FCRL2: variants seen among roughly 807,000 people sequenced by gnomAD.
FCRL2 encodes the protein Fc receptor like 2, also known as Fc receptor-like protein 2.
Under a neutral mutation model 59.8 loss-of-function variants are expected in FCRL2, and 48 were observed. The ratio of observed to expected loss-of-function variants is 0.80; its 90% CI spans 0.64 to 1.02. FCRL2 has a LOEUF of 1.02. FCRL2 is among the 50% of genes least tolerant of loss of function. The pLI is 0.00. For missense variants in FCRL2, 658 were observed against 597.3 expected, an observed-to-expected ratio of 1.10 and a Z score of -1.06; for synonymous variants, 251 against 229.5, an observed-to-expected ratio of 1.09 and a Z score of -0.85.
In FCRL2 at chr1:157,747,187, G is replaced by A. The variant is rs376387831; in HGVS notation, c.1460-288C>T. On this transcript the variant is annotated intron_variant, in intron 10 of 11. Coordinates refer to ENST00000361516, the MANE Select transcript of FCRL2 (RefSeq NM_030764.4). ...TTTTCCTCTTGACTTCTCTGTTGCA[G>A]CATTCTGTCAGGGCTGTTTCCTGTT... Among the ~76,000 whole-genome samples, 161 of 152,290 alleles carry A rather than the reference G, an allele frequency of 1.1e-3. 1 individual carries two copies. The South Asian group carries it at 0.016, about 15-fold the overall frequency.
chr1:157,756,044 G>A (rs541321235), intron 7 of FCRL2, among the ~76,000 whole-genome samples: 177 of 152,286 alleles, frequency 1.2e-3, no homozygotes, highest in African/African-American at 4.1e-3. Context: ...CACTCTGAAA[G>A]GGACTATGTT....
chr1:157,767,316 A>G lies in FCRL2; in HGVS notation c.1077T>C (p.Thr359=), dbSNP rs1448484213. The G allele has an allele frequency of 6.2e-6, 10 of 1,614,126 alleles. No individual in the cohort carries two copies. The highest frequency in any genetic ancestry group is 2.7e-5 in the African/African-American group (2 of 74,950). ...AGGAGTAGTTTCCAGAATGTTCTGC[A>G]GTCAAAGAGAGGTTGAAGGAGGCCC... is the stretch of plus-strand genomic sequence containing the variant. The part of the protein sequence containing the change: ...GGGASFNLSL[T]AEHSGNYSCE... The change falls in exon 6 of 12, where the codon ACT becomes ACC. Residue 359 remains threonine, a synonymous_variant. Coordinates refer to ENST00000361516, the MANE Select transcript of FCRL2 (RefSeq NM_030764.4).
rs758365078 is a variant in FCRL2, at chr1:157,775,842, C to CAAA, written c.32-48_32-47insTTT. On this transcript the variant is annotated intron_variant, in intron 1 of 11. Coordinates refer to ENST00000361516, the MANE Select transcript of FCRL2 (RefSeq NM_030764.4). Reference sequence around the variant, plus strand: ...GAGATTAGCACACAGCATTTGCCCTCATAATTTATAAATTTATATTACTCT... The same window carrying CAAA: ...GAGATTAGCACACAGCATTTGCCCTCAAAATAATTTATAAATTTATATTACTCT... 1.3e-5 allele frequency: 20 copies of CAAA among 1,599,946 alleles called. No homozygotes were observed. The Admixed American group carries it at 3.5e-4, about 28-fold the overall frequency.
rs1002060124 is a variant in FCRL2 at position 157,746,411 on chromosome 1, T to G, written c.*325A>C. On this transcript the variant is annotated 3_prime_UTR_variant, in exon 12 of 12. Transcript: ENST00000361516. ...ACACCACTATCAAGTCCTGTTCTCA[T>G]CACTTCACAGTAGATGAAGGTGAGA... The G allele has an allele frequency of 2.6e-6, 1 of 386,794 alleles. No individual in the cohort carries two copies. The highest frequency in any genetic ancestry group is 4.0e-5 in the Admixed American group (1 of 24,844). 24.0% of individuals were successfully genotyped at this position (386,794 alleles called of 1,614,324 possible).
At chr1:157,747,049 A>G in intron 10 of FCRL2, 150 bp from the exon 11 acceptor site, 1 of 793,296 alleles carries the variant, frequency 1.3e-6, no homozygotes, top group Non-Finnish European at 2.0e-6. Flanking sequence ...AAAGTTGTTA[A>G]TACTGAAGTC....
In FCRL2 at chr1:157,766,891, C is replaced by A; in HGVS notation, c.1243G>T (p.Ala415Ser). 6.2e-7 allele frequency: 1 copy of A among 1,614,168 alleles called. No individual in the cohort carries two copies. Among genetic ancestry groups the A allele is most frequent in the Non-Finnish European group, 8.5e-7 (1 of 1,180,026 alleles). ...TGGAACAAGGCATACAACAGCAAAG[C>A]AACACCAGTGAAACCAAGGACACCA... ...LFGVLGFTGV[A>S]LLLYALFHKI... Residue 415 changes from alanine (A) to serine (S), a missense_variant, in exon 7 of 12, where the codon GCT (alanine) becomes TCT (serine). Coordinates refer to ENST00000361516, the MANE Select transcript of FCRL2 (RefSeq NM_030764.4).
intron 7 of FCRL2, among the ~76,000 whole-genome samples, chr1:157,760,670 G>A (rs189830049): frequency 9.9e-6 from 1 of 101,144 alleles, no homozygotes; most frequent in South Asian, 2.9e-4. Context: ...AAGGAAGGAA[G>A]GAAGGAAGGA....
intron 7 of FCRL2, among the ~76,000 whole-genome samples, chr1:157,762,031 T>A (rs1649139466): frequency 6.6e-6 from 1 of 152,084 alleles, no homozygotes; most frequent in South Asian, 2.1e-4. Flanking sequence ...GCAGAGAGGA[T>A]CAGGGAGCAT....
intron 7 of FCRL2, chr1:157,766,652 C>A: frequency 1.4e-6 from 1 of 698,752 alleles, no homozygotes; most frequent in Non-Finnish European, 2.3e-6. Flanking sequence ...AGTGACTATG[C>A]ACAGGGAACA....
chr1:157,771,041 G>A (rs1445782039), intron 2 of FCRL2, among the ~76,000 whole-genome samples: 2 of 152,050 alleles, frequency 1.3e-5, no homozygotes, highest in African/African-American at 4.8e-5. Flanking sequence ...CTAACTCTCT[G>A]GCCTCTTCTT....
intron 2 of FCRL2, among the ~76,000 whole-genome samples, chr1:157,774,796 A>T (rs1222579104): frequency 6.6e-6 from 1 of 152,088 alleles, no homozygotes; most frequent in Non-Finnish European, 1.5e-5. Context: ...GTCTCCCTGG[A>T]CACTCTTGTT....
chr1:157,757,031 G>C (rs74119540), intron 7 of FCRL2, among the ~76,000 whole-genome samples: 2,653 of 152,246 alleles, frequency 0.017, 59 homozygotes, highest in African/African-American at 0.052. Flanking sequence ...TTCCCAATTT[G>C]TTCCTATCTT....
At chr1:157,751,642 A>G (rs1318936340) in intron 7 of FCRL2, among the ~76,000 whole-genome samples, 1 of 152,248 alleles carries the variant, frequency 6.6e-6, no homozygotes, top group Admixed American at 6.5e-5. Flanking sequence ...CCTGTGGAAG[A>G]GAGGCAAAGC....
intron 5 of FCRL2, chr1:157,767,823 A>G (rs1362463609): frequency 5.2e-6 from 4 of 772,542 alleles, no homozygotes; most frequent in African/African-American, 3.5e-5. Context: ...TTAGGAAATA[A>G]TTTTAAGATT....
At chr1:157,773,769 A>G (rs1245297822) in intron 2 of FCRL2, among the ~76,000 whole-genome samples, 2 of 152,208 alleles carry the variant, frequency 1.3e-5, no homozygotes, top group African/African-American at 4.8e-5. Context: ...ACAAGGAGTC[A>G]GAGGCCCTAG....
chr1:157,768,838 G>A (rs1649747414), intron 4 of FCRL2, 137 bp from the exon 5 acceptor site: 12 of 854,122 alleles, frequency 1.4e-5, no homozygotes, highest in Middle Eastern at 3.6e-4. Context: ...TCCTATGGAG[G>A]TAGGGAATCT....
chr1:157,767,145 C>T, intron 6 of FCRL2, 86 bp downstream of exon 6: 1 of 1,495,494 alleles, frequency 6.7e-7, no homozygotes, highest in Non-Finnish European at 9.0e-7. Context: ...GATCACCTTC[C>T]CCCTCTTCAC....
At chr1:157,752,545 C>A (rs550773131) in intron 7 of FCRL2, among the ~76,000 whole-genome samples, 2 of 152,268 alleles carry the variant, frequency 1.3e-5, no homozygotes, top group Non-Finnish European at 2.9e-5. Flanking sequence ...TATGGGCCTG[C>A]CTGCGATTTC....
At chr1:157,759,757 C>A (rs1385131039) in intron 7 of FCRL2, among the ~76,000 whole-genome samples, 1 of 152,176 alleles carries the variant, frequency 6.6e-6, no homozygotes, top group East Asian at 1.9e-4. Context: ...TACCATCTCA[C>A]ACCAGTCCGA....
Sources: allele counts gnomAD v4.1 joint callset (sites outside exome capture counted in the v4.1 genomes callset), GRCh38; gene constraint gnomAD v4.1.1; transcripts MANE v1.5; gene names NCBI Gene and HGNC (gene_info 2026-07-23, HGNC 2026-07-21).